NUBPL: variants seen among roughly 807,000 people sequenced by gnomAD.
The protein encoded by NUBPL is NUBP iron-sulfur cluster assembly factor, mitochondrial.
NUBPL carries 31 observed loss-of-function variants against 45.7 expected under a neutral mutation model. The observed-to-expected ratio is 0.68, with a 90% confidence interval of 0.51 to 0.92. The LOEUF (loss-of-function observed/expected upper bound fraction) is 0.92. Among genes scored for constraint, NUBPL ranks in the 40% least tolerant of loss-of-function variants. The probability of loss-of-function intolerance (pLI) is 0.00; values close to 1 mark genes in which losing one functional copy is unlikely to be tolerated. For missense variants in NUBPL, 401 were observed against 398.7 expected, an observed-to-expected ratio of 1.01 and a Z score of -0.05; for synonymous variants, 144 against 140.9, an observed-to-expected ratio of 1.02 and a Z score of -0.15.
At chr14:31,858,590 T>C (rs1189992927) in intron 10 of NUBPL, among the ~76,000 whole-genome samples, 2 of 152,078 alleles carry the variant, frequency 1.3e-5, no homozygotes, top group Non-Finnish European at 2.9e-5. Context: ...GGAACTAGGA[T>C]TTTTTGCATG....
intron 6 of NUBPL, among the ~76,000 whole-genome samples, chr14:31,763,595 TCTGAA>T (rs1251462245): frequency 8.8e-4 from 134 of 152,324 alleles, no homozygotes; most frequent in African/African-American, 3.2e-3. Flanking sequence ...ATGTTGGCAA[TCTGAA>T]TATATTTTTT....
At chr14:31,810,977 C>T (rs180846280) in intron 7 of NUBPL, among the ~76,000 whole-genome samples, 69 of 152,224 alleles carry the variant, frequency 4.5e-4, no homozygotes, top group African/African-American at 1.2e-3. Flanking sequence ...GGGTTTCTGG[C>T]GAGAGATCCA....
At chr14:31,747,998 AT>A (rs2038438319) in intron 6 of NUBPL, among the ~76,000 whole-genome samples, 1 of 151,546 alleles carries the variant, frequency 6.6e-6, no homozygotes, top group African/African-American at 2.4e-5. Context: ...GATAGGTTGT[AT>A]TTTTTTGTAT....
chr14:31,691,090 T>C (rs1057381057), intron 6 of NUBPL, among the ~76,000 whole-genome samples: 1 of 151,890 alleles, frequency 6.6e-6, no homozygotes, highest in Admixed American at 6.6e-5. Context: ...TACGATGTAT[T>C]TCCATACACT....
At position 31,564,575 on chromosome 14, in the gene NUBPL, G is replaced by A. The variant is rs112168928; in HGVS notation, c.257-439G>A. 7.9e-3 allele frequency among the ~76,000 whole-genome samples: 1,197 copies of A among 151,692 alleles called. 14 individuals carry two copies. The highest frequency in any genetic ancestry group is 0.027 in the African/African-American group (1,128 of 41,340). On this transcript the variant is annotated intron_variant, in intron 2 of 10. Transcript: ENST00000281081. ...CCACCTGTGGTCCCAACTCCAGCCT[G>A]GGGGACAGAGCATAGTAATCATAAA...
intron 4 of NUBPL, among the ~76,000 whole-genome samples, chr14:31,636,410 T>G (rs1346361317): frequency 6.6e-6 from 1 of 152,170 alleles, no homozygotes; most frequent in Non-Finnish European, 1.5e-5. Flanking sequence ...TTTGCGTATA[T>G]TGAACCAGCT....
chr14:31,731,299 A>G (rs1212301713), intron 6 of NUBPL, among the ~76,000 whole-genome samples: 1 of 152,210 alleles, frequency 6.6e-6, no homozygotes, highest in Non-Finnish European at 1.5e-5. Flanking sequence ...AGAAGATGGT[A>G]AGAGATACAG....
chr14:31,655,517 A>G (rs1344744910), intron 4 of NUBPL, among the ~76,000 whole-genome samples: 1 of 152,188 alleles, frequency 6.6e-6, no homozygotes, highest in Non-Finnish European at 1.5e-5. Context: ...GTTTGAGACC[A>G]GCCTGGGCAA....
chr14:31,678,393 G>T (rs1327763090), intron 6 of NUBPL, among the ~76,000 whole-genome samples: 3 of 152,220 alleles, frequency 2.0e-5, no homozygotes, highest in Non-Finnish European at 2.9e-5. Flanking sequence ...AGCAGGGAAT[G>T]TGCTGTATCT....
chr14:31,802,254 C>T (rs772795375), intron 7 of NUBPL, among the ~76,000 whole-genome samples: 9 of 146,916 alleles, frequency 6.1e-5, no homozygotes, highest in Non-Finnish European at 1.0e-4. Context: ...CCTTAGCACA[C>T]GATTTACTTG....
chr14:31,811,427 G>A (rs7156902), intron 7 of NUBPL, among the ~76,000 whole-genome samples: 61,742 of 151,994 alleles, frequency 0.41, 13,801 homozygotes, highest in East Asian at 0.61. Flanking sequence ...TGAAGCTTGT[G>A]CATGCATCAC....
chr14:31,622,425 G>A (rs1412143420), intron 4 of NUBPL, among the ~76,000 whole-genome samples: 1 of 152,020 alleles, frequency 6.6e-6, no homozygotes, highest in Non-Finnish European at 1.5e-5. Context: ...AATGAGGAGC[G>A]AAATGTTCAT....
intron 6 of NUBPL, among the ~76,000 whole-genome samples, chr14:31,737,803 T>A (rs1328241983): frequency 6.6e-6 from 1 of 152,098 alleles, no homozygotes; most frequent in African/African-American, 2.4e-5. Flanking sequence ...ATAAATTAAT[T>A]ATTTCTGTTC....
intron 3 of NUBPL, among the ~76,000 whole-genome samples, chr14:31,575,424 ACC>A (rs2033692623): frequency 6.6e-6 from 1 of 152,142 alleles, no homozygotes. Context: ...GCCTGTACCT[ACC>A]TAATAACGTT....
chr14:31,793,445 T>C (rs2039419750), intron 7 of NUBPL, among the ~76,000 whole-genome samples: 1 of 152,182 alleles, frequency 6.6e-6, no homozygotes, highest in African/African-American at 2.4e-5. Flanking sequence ...AGCATAATAT[T>C]TGGATTATTC....
intron 6 of NUBPL, among the ~76,000 whole-genome samples, chr14:31,673,996 G>GA (rs986657014): frequency 6.6e-6 from 1 of 152,098 alleles, no homozygotes; most frequent in Non-Finnish European, 1.5e-5. Flanking sequence ...AATTGCTCCA[G>GA]AAAAAAGTAA....
Position 31,787,836 on chromosome 14 carries a change from T to C in NUBPL, c.570T>C (p.Asp190=), listed in dbSNP as rs777013097. ...LVVDMPPGTG[D]VQLSVSQNIP... Reference sequence around the variant, plus strand: ...TAGACATGCCACCAGGAACTGGAGATGTGCAGTTATCAGTCTCACAGAATA... The same window carrying C: ...TAGACATGCCACCAGGAACTGGAGACGTGCAGTTATCAGTCTCACAGAATA... Residue 190 remains aspartate, a synonymous_variant, in exon 7 of 11, where the codon GAT becomes GAC. Transcript: ENST00000281081. The C allele has an allele frequency of 1.2e-6, 2 of 1,612,994 alleles. No individual in the cohort carries two copies. Among genetic ancestry groups the C allele is most frequent in the African/African-American group, 1.3e-5 (1 of 74,920 alleles).
At chr14:31,729,283 C>CG (rs962881697) in intron 6 of NUBPL, among the ~76,000 whole-genome samples, 19 of 144,554 alleles carry the variant, frequency 1.3e-4, no homozygotes, top group African/African-American at 4.1e-4. Flanking sequence ...CATCCCCCCC[C>CG]CCCCCAAAAA....
At chr14:31,767,612 C>T (rs78230838) in intron 6 of NUBPL, among the ~76,000 whole-genome samples, 2 of 152,220 alleles carry the variant, frequency 1.3e-5, no homozygotes, top group African/African-American at 2.4e-5. Flanking sequence ...GGGACTGCTT[C>T]CCTGACTGGG....
Sources: gnomAD v4.1 joint callset for allele counts (sites outside exome capture counted in the v4.1 genomes callset) on GRCh38, gnomAD v4.1.1 for gene constraint, MANE v1.5 for transcripts, NCBI Gene and HGNC (gene_info 2026-07-23, HGNC 2026-07-21) for gene names.